The following OSBPL5 variants were observed in gnomAD, a reference collection of about 807,000 sequenced individuals.
OSBPL5 encodes oxysterol-binding protein-related protein 5.
OSBPL5 carries 71 observed loss-of-function variants against 111.2 expected under a neutral mutation model. The ratio of observed to expected loss-of-function variants is 0.64; its 90% confidence interval spans 0.53 to 0.78. OSBPL5 has a LOEUF of 0.78. OSBPL5 is among the 30% of genes least tolerant of loss of function. The pLI is 0.00. For synonymous variants in OSBPL5, 549 were observed against 513.9 expected (o/e 1.07, Z -0.93); for missense variants, 1,210 against 1,189.3 (o/e 1.02, Z -0.26).
rs143909358 is a variant in OSBPL5 at position 3,104,224 on chromosome 11, C to T, written c.1213G>A (p.Asp405Asn). 9 of 1,612,086 alleles carry T rather than the reference C, an allele frequency of 5.6e-6. No homozygotes were observed. The highest frequency in any genetic ancestry group is 1.7e-5 in the Admixed American group (1 of 59,970). Residue 405 changes from aspartate to asparagine, a missense_variant, in exon 10 of 22, where the codon GAC becomes AAC. Coordinates refer to ENST00000263650, the MANE Select transcript of OSBPL5 (RefSeq NM_020896.4). This position sits in a 1 kb window ranked among gnomAD's most constrained non-coding sequence, Gnocchi z 5.0. ...AGCAGGTCTGCGTGGTAGTAGTAGT[C>T]GGAGAGCTTGTTCAGGAAGGAGCGC... ...EPRSFLNKLS[D>N]YYYHADLLSR...
rs992791650 is a variant in OSBPL5, at chr11:3,103,921, C to T, written c.1244+272G>A. On this transcript the variant is annotated intron_variant, in intron 10 of 21. Transcript: ENST00000263650. Reference sequence around the variant, plus strand: ...CTCTGCAGCCCCCTTCCTGCCTCTGCAGCCCATCCCATCCAGCTCGAGGGT... The same window carrying T: ...CTCTGCAGCCCCCTTCCTGCCTCTGTAGCCCATCCCATCCAGCTCGAGGGT... Among the ~76,000 whole-genome samples the T allele has an allele frequency of 1.2e-4, 18 of 148,306 alleles. 1 individual carries two copies. The South Asian group carries it at 2.6e-3, about 21-fold the overall frequency.
At position 3,108,000 on chromosome 11, in the gene OSBPL5, C is replaced by T. The variant is rs1857773259; in HGVS notation, c.692-55G>A. 19 of 1,569,946 alleles carry T rather than the reference C, an allele frequency of 1.2e-5. No homozygotes were observed. Among genetic ancestry groups the T allele is most frequent in the Non-Finnish European group, 1.5e-5 (18 of 1,164,202 alleles). ...ACCCCCACCTCTGTATATCCCGCAT[C>T]CCCCAAGGGGCCACCAGGAGGCTCC... On this transcript the variant is annotated intron_variant, in intron 7 of 21. Transcript: ENST00000263650. The surrounding 1 kb of genome is among the most constrained non-coding windows in gnomAD (Gnocchi z 6.1).
intron 1 of OSBPL5, among the ~76,000 whole-genome samples, chr11:3,147,463 C>T (rs1846394691): frequency 6.6e-6 from 1 of 152,250 alleles, no homozygotes; most frequent in African/African-American, 2.4e-5. Flanking sequence ...GTGCCCCAGG[C>T]TGTGGGTCAG....
chr11:3,125,631 C>T (rs988614925), intron 3 of OSBPL5, among the ~76,000 whole-genome samples: 15 of 152,150 alleles, frequency 9.9e-5, no homozygotes, highest in Admixed American at 2.6e-4. Context: ...CGGTGAAACC[C>T]GTCTCTACTA....
chr11:3,107,563 G>T lies in OSBPL5; in HGVS notation c.867-108C>A. On this transcript the variant is annotated intron_variant, in intron 8 of 21. Transcript: ENST00000263650. The surrounding 1 kb of genome is among the most constrained non-coding windows in gnomAD (Gnocchi z 6.1). ...CCGCACTTCACATACGTTCCTGCCT[G>T]TCGTCACCTCCACAACCCACATTTG... The T allele has an allele frequency of 2.1e-6, 3 of 1,408,270 alleles. No individual in the cohort carries two copies. The highest frequency in any genetic ancestry group is 2.9e-6 in the Non-Finnish European group (3 of 1,017,336). 87.2% of individuals were successfully genotyped at this position (1,408,270 alleles called of 1,614,324 possible).
At position 3,154,477 on chromosome 11, in the gene OSBPL5, C is replaced by T. The variant is rs1215430029; in HGVS notation, c.-22+10739G>A. Among the ~76,000 whole-genome samples, 2 of 152,220 alleles carry T rather than the reference C, an allele frequency of 1.3e-5. No individual in the cohort carries two copies. The highest frequency in any genetic ancestry group is 2.4e-5 in the African/African-American group (1 of 41,464). Reference sequence around the variant, plus strand: ...GGGCCTCTACAGCTCGCCCAGGTTCCAGCTGAGCCAGGCCTCTTGGGAAGG... The same window carrying T: ...GGGCCTCTACAGCTCGCCCAGGTTCTAGCTGAGCCAGGCCTCTTGGGAAGG... On this transcript the variant is annotated intron_variant, in intron 1 of 21. Coordinates refer to ENST00000263650, the MANE Select transcript of OSBPL5 (RefSeq NM_020896.4). This position sits in a 1 kb window ranked among gnomAD's most constrained non-coding sequence, Gnocchi z 4.9.
At chr11:3,148,114 C>T (rs1164340301) in intron 1 of OSBPL5, among the ~76,000 whole-genome samples, 1 of 152,226 alleles carries the variant, frequency 6.6e-6, no homozygotes, top group Non-Finnish European at 1.5e-5. Flanking sequence ...GGAGTAGGTG[C>T]CAGTGAATGC....
At chr11:3,098,972 T>C (rs1359687288) in intron 14 of OSBPL5, among the ~76,000 whole-genome samples, 1 of 152,082 alleles carries the variant, frequency 6.6e-6, no homozygotes, top group African/African-American at 2.4e-5. Flanking sequence ...GGCTAGTTTT[T>C]TGGTACTTTT....
At chr11:3,103,928 T>TTCCTGCCTCTGCAG in intron 10 of OSBPL5, among the ~76,000 whole-genome samples, 1 of 136,658 alleles carries the variant, frequency 7.3e-6, no homozygotes, top group Admixed American at 7.2e-5. Flanking sequence ...CTGCAGCCCA[T>TTCCTGCCTCTGCAG]CCCATCCAGC....
In OSBPL5 at chr11:3,146,900, C is replaced by G. The variant is rs919964310; in HGVS notation, c.-21-17731G>C. On this transcript the variant is annotated intron_variant, in intron 1 of 21. Transcript: ENST00000263650. This position sits in a 1 kb window ranked among gnomAD's most constrained non-coding sequence, Gnocchi z 7.8. ...CTCTCACGCCCCTTCCCAGCACACC[C>G]AGCTCTGGTCTTCACGAGGGGCTGG... Among the ~76,000 whole-genome samples, 1 of 152,204 alleles carries G rather than the reference C, an allele frequency of 6.6e-6. No homozygotes were observed. The highest frequency in any genetic ancestry group is 1.5e-5 in the Non-Finnish European group (1 of 68,040).
In OSBPL5 at chr11:3,104,042, C is replaced by T. The variant is rs1415865844; in HGVS notation, c.1244+151G>A. ...AGGCCCATCTTGGAGACAGGGCCCC[C>T]TGGGAGGCTACAGCTGCAGAAACAG... On this transcript the variant is annotated intron_variant, in intron 10 of 21. Coordinates refer to ENST00000263650, the MANE Select transcript of OSBPL5 (RefSeq NM_020896.4). This position sits in a 1 kb window ranked among gnomAD's most constrained non-coding sequence, Gnocchi z 5.0. The T allele has an allele frequency of 4.9e-6, 5 of 1,015,620 alleles. No homozygotes were observed. The highest frequency in any genetic ancestry group is 7.0e-6 in the Non-Finnish European group (5 of 715,844). The allele number at this position is 1,015,620 out of a possible 1,614,324, so 62.9% of individuals were successfully genotyped here.
At chr11:3,091,742 G>A (rs1474086910) in intron 19 of OSBPL5, among the ~76,000 whole-genome samples, 4 of 152,166 alleles carry the variant, frequency 2.6e-5, no homozygotes, top group Non-Finnish European at 5.9e-5. Flanking sequence ...GAGATACCGC[G>A]GCCCCCAGCT....
In OSBPL5 at chr11:3,104,392, C is replaced by T. The variant is rs774147984; in HGVS notation, c.1060-15G>A. On this transcript the variant is annotated splice_polypyrimidine_tract_variant and intron_variant, in intron 9 of 21. Transcript: ENST00000263650. The surrounding 1 kb of genome is among the most constrained non-coding windows in gnomAD (Gnocchi z 5.0). Reference sequence around the variant, plus strand: ...GCCTCGCCCAGCTGCAGCAGACAGGCTGCAGTCAGGCCCTGCCCGGAAGAG... The same window carrying T: ...GCCTCGCCCAGCTGCAGCAGACAGGTTGCAGTCAGGCCCTGCCCGGAAGAG... The T allele has an allele frequency of 1.5e-5, 24 of 1,605,106 alleles. No individual in the cohort carries two copies. In the East Asian group the frequency reaches 2.7e-4, roughly 18 times the overall value.
chr11:3,155,933 T>C (rs530026130), intron 1 of OSBPL5, among the ~76,000 whole-genome samples: 1 of 152,380 alleles, frequency 6.6e-6, no homozygotes, highest in East Asian at 1.9e-4. Context: ...GCCCTCAGTC[T>C]CAGGCTCAAG....
Position 3,092,823 on chromosome 11 carries a change from G to C in OSBPL5, c.2132+44C>G. The stretch of plus-strand genomic sequence containing the variant: ...GGGCCCTTCTCAGCCCGTCTGCTAG[G>C]CCCAGCCCCACCCTGTGGCCCCCAG... On this transcript the variant is annotated intron_variant, in intron 18 of 21. Coordinates refer to ENST00000263650, the MANE Select transcript of OSBPL5 (RefSeq NM_020896.4). This position sits in a 1 kb window ranked among gnomAD's most constrained non-coding sequence, Gnocchi z 5.4. The C allele has an allele frequency of 2.7e-6, 4 of 1,489,478 alleles. No individual in the cohort carries two copies. Among genetic ancestry groups the C allele is most frequent in the Non-Finnish European group, 3.6e-6 (4 of 1,110,842 alleles). 92.3% of individuals were successfully genotyped at this position (1,489,478 alleles called of 1,614,324 possible).
At chr11:3,091,450 T>C (rs1192845534) in intron 19 of OSBPL5, among the ~76,000 whole-genome samples, 1 of 150,818 alleles carries the variant, frequency 6.6e-6, no homozygotes, top group Non-Finnish European at 1.5e-5. Flanking sequence ...CATGGGATGG[T>C]TTTTGAGGCA....
chr11:3,120,698 G>A (rs1253161436), intron 5 of OSBPL5, 74 bp from the exon 6 acceptor site: 50 of 1,538,196 alleles, frequency 3.3e-5, no homozygotes, highest in Non-Finnish European at 4.2e-5. Flanking sequence ...TGGCTTGGCG[G>A]GGAGCCAGGC....
chr11:3,099,929 G>A (rs1222807562), intron 14 of OSBPL5, among the ~76,000 whole-genome samples: 1 of 151,354 alleles, frequency 6.6e-6, no homozygotes, highest in Non-Finnish European at 1.5e-5. Flanking sequence ...TTAGCCAGGC[G>A]TGGTGGCGCA....
At chr11:3,117,396 T>G (rs1439059250) in intron 7 of OSBPL5, among the ~76,000 whole-genome samples, 1 of 152,252 alleles carries the variant, frequency 6.6e-6, no homozygotes, top group Non-Finnish European at 1.5e-5. Flanking sequence ...ATGGTACAAG[T>G]CCATGACTGG....
Sources: allele counts gnomAD v4.1 joint callset (sites outside exome capture counted in the v4.1 genomes callset), GRCh38; gene constraint gnomAD v4.1.1; non-coding constraint Gnocchi (gnomAD v3.1); transcripts MANE v1.5; gene names NCBI Gene and HGNC (gene_info 2026-07-23, HGNC 2026-07-21).